CDK13: variants seen among roughly 807,000 people sequenced by gnomAD.
CDK13 encodes cyclin-dependent kinase 13.
CDK13 carries 40 observed loss-of-function variants against 137.6 expected under a neutral mutation model. The observed-to-expected ratio is 0.29, with a 90% confidence interval of 0.23 to 0.38. The LOEUF is 0.38. Among genes scored for constraint, CDK13 ranks in the 10% least tolerant of loss-of-function variants. The pLI is 1.00. For synonymous variants in CDK13, 869 were observed against 760.1 expected (o/e 1.14, Z -2.36); for missense variants, 1,704 against 1,951.8 (o/e 0.87, Z 2.39).
rs1030959254 is a variant in CDK13, at chr7:40,096,949, A to T, written c.*1969A>T. The T allele has an allele frequency of 3.9e-5, 6 of 152,140 alleles. No homozygotes were observed. Among genetic ancestry groups the T allele is most frequent in the Non-Finnish European group, 4.4e-5 (3 of 67,972 alleles). 9.4% of individuals were successfully genotyped at this position (152,140 alleles called of 1,614,324 possible). A position where few individuals can be genotyped will look rare whatever the true frequency, so the allele number is the denominator to read the frequency against. On this transcript the variant is annotated 3_prime_UTR_variant, in exon 14 of 14. Coordinates refer to ENST00000181839, the MANE Select transcript of CDK13 (RefSeq NM_003718.5). ...AGCAAAATAGCAACAGTATTCAAGT[A>T]TCTGAAATTTTAATATGGTGAGTCT...
intron 1 of CDK13, among the ~76,000 whole-genome samples, chr7:39,960,871 G>C (rs980698068): frequency 6.6e-6 from 1 of 151,994 alleles, no homozygotes; most frequent in African/African-American, 2.4e-5. Flanking sequence ...CACCGCACCC[G>C]GCCAATTTAT....
Position 39,988,117 on chromosome 7 carries a change from C to G in CDK13, c.1730C>G (p.Ser577Ter). The G allele has an allele frequency of 6.2e-7, 1 of 1,614,038 alleles. No homozygotes were observed. Among genetic ancestry groups the G allele is most frequent in the Non-Finnish European group, 8.5e-7 (1 of 1,180,000 alleles). The change falls in exon 2 of 14, where the codon TCA becomes TGA. Residue 577 changes from serine (S) to a stop codon, truncating the protein, a stop_gained. Coordinates refer to ENST00000181839, the MANE Select transcript of CDK13 (RefSeq NM_003718.5). LOFTEE classifies it high-confidence loss of function. ...AAATCTGCTGCTACAAAGGAGGAATCAGTATCTCTTAAAGAGAAAACCAAA... is the reference window on the plus strand; with the variant it reads ...AAATCTGCTGCTACAAAGGAGGAATGAGTATCTCTTAAAGAGAAAACCAAA... ...ESKSAATKEE[S>*]VSLKEKTKPL...
At position 40,094,611 on chromosome 7, in the gene CDK13, A is replaced by G. The variant is rs777531569; in HGVS notation, c.4170A>G (p.Pro1390=). The part of the protein sequence containing the change: ...YSTASSHSGG[P]PQPSAFSESF... ...CTGCTTCATCTCATTCTGGTGGTCC[A>G]CCTCAGCCTTCTGCCTTTTCTGAGT... The change falls in exon 14 of 14, where the codon CCA becomes CCG. Residue 1390 remains proline (P), a synonymous_variant. Transcript: ENST00000181839. 19 of 1,613,790 alleles carry G rather than the reference A, an allele frequency of 1.2e-5. No homozygotes were observed. In the South Asian group the frequency reaches 1.9e-4, roughly 16 times the overall value.
In CDK13 at chr7:39,997,617, A is replaced by G. The variant is rs771087285; in HGVS notation, c.1995A>G (p.Pro665=). 4 of 1,613,826 alleles carry G rather than the reference A, an allele frequency of 2.5e-6. No individual in the cohort carries two copies. Among genetic ancestry groups the G allele is most frequent in the African/African-American group, 1.3e-5 (1 of 75,050 alleles). ...LPGGDDLSKS[P]EEKKTATQLH... ...GAGGAGATGATCTTTCAAAGAGTCC[A>G]GAGGAAAAGAAAACAGCAACACAGT... The change falls in exon 3 of 14, where the codon CCA becomes CCG. Residue 665 remains proline (P), a synonymous_variant. Transcript: ENST00000181839.
In CDK13 at chr7:40,092,800, G is replaced by T; in HGVS notation, c.3251G>T (p.Gly1084Val). 1 of 1,613,830 alleles carries T rather than the reference G, an allele frequency of 6.2e-7. No individual in the cohort carries two copies. Among genetic ancestry groups the T allele is most frequent in the African/African-American group, 1.3e-5 (1 of 74,980 alleles). Residue 1084 changes from glycine (G) to valine (V), a missense_variant, in exon 13 of 14, where the codon GGA becomes GTA. Around this residue, in one of 5 missense-constraint regions of CDK13, gnomAD observed 475 missense variants for 579.3 expected, o/e 0.82. Coordinates refer to ENST00000181839, the MANE Select transcript of CDK13 (RefSeq NM_003718.5). ...TTGTCTTTAGTAAAAACAGGCCCTGGACAGCACTTAAACCACAGTGAATTG... is the reference window on the plus strand; with the variant it reads ...TTGTCTTTAGTAAAAACAGGCCCTGTACAGCACTTAAACCACAGTGAATTG... ...SNVAPVKTGP[G>V]QHLNHSELAI...
chr7:40,004,876 C>CATCATAA lies in CDK13; in HGVS notation c.2353+2848_2353+2854dup, dbSNP rs1226101290. Among the ~76,000 whole-genome samples, 20 of 152,102 alleles carry CATCATAA rather than the reference C, an allele frequency of 1.3e-4. No homozygotes were observed. In the East Asian group the frequency reaches 3.7e-3, roughly 28 times the overall value. ...TAAGCTATTAGTTGTGTAAGAGAAA[C>CATCATAA]ATCATAAATGCCTGGCATAGTGGCT... On this transcript the variant is annotated intron_variant, in intron 5 of 13. Transcript: ENST00000181839.
chr7:39,998,390 GA>G (rs1583967639), intron 3 of CDK13: 1 of 132,324 alleles, frequency 7.6e-6, no homozygotes, highest in East Asian at 2.1e-4. Context: ...AGAATCACTT[GA>G]GTCCAGGAGT....
chr7:40,047,371 T>C (rs1562747968), intron 6 of CDK13, among the ~76,000 whole-genome samples: 1 of 152,180 alleles, frequency 6.6e-6, no homozygotes. Flanking sequence ...TAATAGACAG[T>C]GTTCTATGCA....
At chr7:40,017,157 T>A (rs988475423) in intron 5 of CDK13, among the ~76,000 whole-genome samples, 1 of 152,158 alleles carries the variant, frequency 6.6e-6, no homozygotes, top group African/African-American at 2.4e-5. Context: ...TAGTATTCTG[T>A]AATTCTATAA....
intron 7 of CDK13, among the ~76,000 whole-genome samples, chr7:40,051,158 T>A (rs909036308): frequency 6.6e-6 from 1 of 152,136 alleles, no homozygotes; most frequent in Non-Finnish European, 1.5e-5. Flanking sequence ...GTATACTGAA[T>A]TTTTCTGCTC....
intron 1 of CDK13, among the ~76,000 whole-genome samples, chr7:39,957,286 C>T (rs1181147826): frequency 1.1e-5 from 1 of 94,216 alleles, no homozygotes; most frequent in Non-Finnish European, 3.0e-5. Context: ...TTCCATTCAT[C>T]TAGATAAAAG....
chr7:40,063,322 C>G (rs972825315), intron 9 of CDK13, among the ~76,000 whole-genome samples: 7 of 152,174 alleles, frequency 4.6e-5, no homozygotes, highest in Middle Eastern at 3.4e-3. Context: ...TGTATGTGTA[C>G]ATGCGTGCGT....
intron 1 of CDK13, among the ~76,000 whole-genome samples, chr7:39,960,950 A>C (rs2116131866): frequency 6.6e-6 from 1 of 152,372 alleles, no homozygotes; most frequent in East Asian, 1.9e-4. Flanking sequence ...GGAGGGCTTC[A>C]ATCAAGATAA....
At chr7:40,009,654 C>T (rs577681159) in intron 5 of CDK13, among the ~76,000 whole-genome samples, 51 of 152,064 alleles carry the variant, frequency 3.4e-4, no homozygotes, top group African/African-American at 1.1e-3. Context: ...ATTGATAGAC[C>T]GAAGTTTTTA....
At chr7:39,953,337 C>T (rs1487653561) in intron 1 of CDK13, among the ~76,000 whole-genome samples, 1 of 152,116 alleles carries the variant, frequency 6.6e-6, no homozygotes, top group Non-Finnish European at 1.5e-5. Context: ...AACTATAATA[C>T]TTTGCCAAAG....
At chr7:40,053,502 C>T (rs1488312235) in intron 7 of CDK13, among the ~76,000 whole-genome samples, 4 of 152,136 alleles carry the variant, frequency 2.6e-5, no homozygotes, top group South Asian at 2.1e-4. Context: ...TTGTAGTTCC[C>T]TAAACTTGCT....
chr7:39,960,710 A>C (rs1044928275), intron 1 of CDK13, among the ~76,000 whole-genome samples: 3 of 151,886 alleles, frequency 2.0e-5, no homozygotes, highest in Non-Finnish European at 4.4e-5. Flanking sequence ...GAGTAGCTGG[A>C]ATTACAGGCG....
chr7:40,021,674 T>C (rs941610894), intron 5 of CDK13, among the ~76,000 whole-genome samples: 2 of 151,766 alleles, frequency 1.3e-5, no homozygotes, highest in Non-Finnish European at 3.0e-5. Context: ...ATATGTATAA[T>C]GCTTACTGTG....
Position 39,962,646 on chromosome 7 carries a change from G to A in CDK13, c.1211+10794G>A, listed in dbSNP as rs879349669. ...AAGCTGTTTAGTTTAATTAGATCCCGTTCGTCAATTTTGACTTCTGTTGCC... is the reference window on the plus strand; with the variant it reads ...AAGCTGTTTAGTTTAATTAGATCCCATTCGTCAATTTTGACTTCTGTTGCC... On this transcript the variant is annotated intron_variant, in intron 1 of 13. Coordinates refer to ENST00000181839, the MANE Select transcript of CDK13 (RefSeq NM_003718.5). 6.6e-5 allele frequency among the ~76,000 whole-genome samples: 10 copies of A among 152,168 alleles called. No homozygotes were observed. In the South Asian group the frequency reaches 1.9e-3, roughly 28 times the overall value.
Sources: allele counts gnomAD v4.1 joint callset (sites outside exome capture counted in the v4.1 genomes callset), GRCh38; gene constraint gnomAD v4.1.1; regional missense constraint gnomAD v4.1.1; transcripts MANE v1.5; gene names NCBI Gene and HGNC (gene_info 2026-07-23, HGNC 2026-07-21).